The following MEX3C variants were observed in gnomAD, a reference collection of about 807,000 sequenced individuals.
MEX3C encodes the protein RNA-binding E3 ubiquitin-protein ligase MEX3C.
MEX3C carries 15 observed loss-of-function variants against 35.5 expected under a neutral mutation model. The observed-to-expected ratio is 0.42, with a 90% CI of 0.28 to 0.65. The LOEUF (loss-of-function observed/expected upper bound fraction) is 0.65. Ranked by LOEUF, MEX3C falls within the 30% of genes least tolerant of loss-of-function variation. MEX3C has a pLI of 0.20. For missense variants in MEX3C, 711 were observed against 842.8 expected, an observed-to-expected ratio of 0.84 and a Z score of 1.94; for synonymous variants, 390 against 352.8, an observed-to-expected ratio of 1.11 and a Z score of -1.18.
rs765229055 is a variant in MEX3C, at chr18:51,176,740, T to C, written c.1591A>G (p.Lys531Glu). Reference protein sequence around the residue: ...GFGSDPSGNMKTQRRGSQPST... With the variant: ...GFGSDPSGNMETQRRGSQPST... ...GGCTGACTTCCTCTGCGCTGAGTCT[T>C]CATGTTACCAGAAGGATCACTCCCA... The change falls in exon 2 of 2, where the codon AAG becomes GAG. Residue 531 changes from lysine to glutamate, a missense_variant. Physicochemically the swap from Lys to Glu is moderately conservative, Grantham distance 56. Coordinates refer to ENST00000406189, the MANE Select transcript of MEX3C (RefSeq NM_016626.5). 2.5e-6 allele frequency: 4 copies of C among 1,613,844 alleles called. No homozygotes were observed. The African/African-American group carries it at 4.0e-5, about 16-fold the overall frequency.
At chr18:51,190,757 A>G (rs1166124597) in intron 1 of MEX3C, among the ~76,000 whole-genome samples, 1 of 152,172 alleles carries the variant, frequency 6.6e-6, no homozygotes, top group Non-Finnish European at 1.5e-5. Flanking sequence ...GCATACATTC[A>G]ATTTAGTATA....
chr18:51,178,004 C>T (rs1360180257), intron 1 of MEX3C, among the ~76,000 whole-genome samples: 2 of 151,984 alleles, frequency 1.3e-5, no homozygotes, highest in Non-Finnish European at 2.9e-5. Context: ...TGTACTCACG[C>T]TAGTAACTAA....
intron 1 of MEX3C, chr18:51,194,166 T>G (rs531697406): frequency 7.9e-5 from 12 of 152,316 alleles, no homozygotes; most frequent in African/African-American, 2.6e-4. Flanking sequence ...TCCATACGAG[T>G]GAGCAAACAC....
At chr18:51,178,151 T>C (rs73438517) in intron 1 of MEX3C, among the ~76,000 whole-genome samples, 1,720 of 152,256 alleles carry the variant, frequency 0.011, 30 homozygotes, top group African/African-American at 0.039. Flanking sequence ...TAATATAGAA[T>C]GATTTTGTAA....
intron 1 of MEX3C, among the ~76,000 whole-genome samples, chr18:51,188,072 A>C (rs990063622): frequency 3.9e-5 from 6 of 152,196 alleles, no homozygotes; most frequent in African/African-American, 1.4e-4. Context: ...GCATAATATA[A>C]AACTAATAGC....
chr18:51,191,374 A>G (rs1211295434), intron 1 of MEX3C, among the ~76,000 whole-genome samples: 1 of 152,180 alleles, frequency 6.6e-6, no homozygotes, highest in East Asian at 1.9e-4. Flanking sequence ...AAGATCAGTA[A>G]CACTGGAGAT....
Position 51,176,542 on chromosome 18 carries a change from T to C in MEX3C, c.1789A>G (p.Ser597Gly). 6.2e-7 allele frequency: 1 copy of C among 1,613,956 alleles called. No homozygotes were observed. Among genetic ancestry groups the C allele is most frequent in the Non-Finnish European group, 8.5e-7 (1 of 1,179,894 alleles). ...TTTCGTCTTGATTCTGGAGGTGAGC[T>C]AGAGGTGGAACCACCATTGGAAGAG... ...YSSSNGGSTSSSPPESRRKHD... is the reference protein window; with the variant it reads ...YSSSNGGSTSGSPPESRRKHD... The change falls in exon 2 of 2, where the codon AGC (serine) becomes GGC (glycine). Residue 597 changes from serine (S) to glycine (G), a missense_variant. Physicochemically the swap from Ser to Gly is moderately conservative, Grantham distance 56. Around this residue, in one of 4 missense-constraint regions of MEX3C, gnomAD observed 87 missense variants for 150.4 expected, o/e 0.58. Coordinates refer to ENST00000406189, the MANE Select transcript of MEX3C (RefSeq NM_016626.5).
At chr18:51,187,961 G>T (rs1279176304) in intron 1 of MEX3C, among the ~76,000 whole-genome samples, 1 of 152,054 alleles carries the variant, frequency 6.6e-6, no homozygotes, top group African/African-American at 2.4e-5. Flanking sequence ...TATCTTCAAA[G>T]ACTAATGAGT....
intron 1 of MEX3C, chr18:51,195,847 AT>A (rs754413457): frequency 1.3e-5 from 2 of 152,280 alleles, no homozygotes; most frequent in Admixed American, 6.5e-5. Context: ...TGAAAACTGT[AT>A]AAACCGATGA....
At position 51,196,970 on chromosome 18, in the gene MEX3C, TTCCTCCCCC is replaced by T. The variant is rs1912818072; in HGVS notation, c.342_350del (p.Gly115_Glu117del). 6.5e-7 allele frequency: 1 copy of T among 1,541,016 alleles called. No homozygotes were observed. The highest frequency in any genetic ancestry group is 1.4e-5 in the African/African-American group (1 of 71,774). On this transcript the variant is annotated inframe_deletion, in exon 1 of 2. Transcript: ENST00000406189. ...CCAGCAGGTCTCCGTCCAGCTCCGC[TTCCTCCCCC>T]TCCTCCTCGTCCTCTTCCAGCTCCA... is the stretch of plus-strand genomic sequence containing the variant.
Position 51,176,438 on chromosome 18 carries a change from T to C in MEX3C, c.1893A>G (p.Glu631=), listed in dbSNP as rs1324570271. 1 of 1,613,902 alleles carries C rather than the reference T, an allele frequency of 6.2e-7. No homozygotes were observed. Among genetic ancestry groups the C allele is most frequent in the Non-Finnish European group, 8.5e-7 (1 of 1,179,892 alleles). ...TCTTTTCACAGATCTTGTTGGCACATTCCATGCAGAAGAGGTTGTGGCCAC... is the reference window on the plus strand; with the variant it reads ...TCTTTTCACAGATCTTGTTGGCACACTCCATGCAGAAGAGGTTGTGGCCAC... ...VPCGHNLFCM[E]CANKICEKRT... is the part of the protein sequence containing the mutation. The change falls in exon 2 of 2, where the codon GAA becomes GAG. Residue 631 remains glutamate (E), a synonymous_variant. Coordinates refer to ENST00000406189, the MANE Select transcript of MEX3C (RefSeq NM_016626.5).
At position 51,182,597 on chromosome 18, in the gene MEX3C, C is replaced by A. The variant is rs1039733634; in HGVS notation, c.755-5021G>T. ...TCACTGTTGCTGGGGCTATGTTTCA[C>A]CTTAAAACCCTTTAGCTGCAGCTAG... On this transcript the variant is annotated intron_variant, in intron 1 of 1. Coordinates refer to ENST00000406189, the MANE Select transcript of MEX3C (RefSeq NM_016626.5). Among the ~76,000 whole-genome samples the A allele has an allele frequency of 4.5e-4, 68 of 152,140 alleles. 1 individual carries two copies. Among genetic ancestry groups the A allele is most frequent in the African/African-American group, 1.6e-3 (66 of 41,426 alleles).
Position 51,176,694 on chromosome 18 carries a change from G to C in MEX3C, c.1637C>G (p.Pro546Arg). Residue 546 changes from proline (P) to arginine (R), a missense_variant, in exon 2 of 2, where the codon CCT becomes CGT. By Grantham distance (103) the Pro-to-Arg change is moderately radical (BLOSUM62 -2). Transcript: ENST00000406189. ...ATGTTCTATGCTCTCAGGAAATGTA[G>C]GAGACAGACGAGGAGTAGATGGCTG... Reference protein sequence around the residue: ...GSQPSTPRLSPTFPESIEHPL... With the variant: ...GSQPSTPRLSRTFPESIEHPL... 1 of 1,614,020 alleles carries C rather than the reference G, an allele frequency of 6.2e-7. No individual in the cohort carries two copies. The highest frequency in any genetic ancestry group is 8.5e-7 in the Non-Finnish European group (1 of 1,179,894).
At chr18:51,195,833 T>C (rs1434761399) in intron 1 of MEX3C, 1 of 152,230 alleles carries the variant, frequency 6.6e-6, no homozygotes, top group Non-Finnish European at 1.5e-5. Context: ...AGAGGAGAAT[T>C]AACTGAAAAC....
At chr18:51,191,026 CTTTT>C (rs1303670026) in intron 1 of MEX3C, among the ~76,000 whole-genome samples, 2 of 152,056 alleles carry the variant, frequency 1.3e-5, no homozygotes, top group Admixed American at 6.6e-5. Context: ...TCTTAAAAAG[CTTTT>C]TTTATTTTTA....
Position 51,177,520 on chromosome 18 carries a change from G to A in MEX3C, c.811C>T (p.Arg271Cys), listed in dbSNP as rs975750691. 1 of 1,613,742 alleles carries A rather than the reference G, an allele frequency of 6.2e-7. No individual in the cohort carries two copies. The highest frequency in any genetic ancestry group is 8.5e-7 in the Non-Finnish European group (1 of 1,179,854). ...KTNTYIKTPV[R>C]GEEPIFVVTG... is the part of the protein sequence containing the mutation. Reference sequence around the variant, plus strand: ...ACAACAAAAATGGGCTCTTCACCACGAACAGGAGTCTTGATATACGTGTTT... The same window carrying A: ...ACAACAAAAATGGGCTCTTCACCACAAACAGGAGTCTTGATATACGTGTTT... The change falls in exon 2 of 2, where the codon CGT becomes TGT. Residue 271 changes from arginine (R) to cysteine (C), a missense_variant. By Grantham distance (180) the Arg-to-Cys change is radical. This residue lies in a region of MEX3C where 83 missense variants were observed against 179.1 expected (regional missense o/e 0.46). Transcript: ENST00000406189. This position sits in a 1 kb window ranked among gnomAD's most constrained non-coding sequence, Gnocchi z 4.2.
rs1238279798 is a variant in MEX3C, at chr18:51,176,982, A to G, written c.1349T>C (p.Leu450Pro). 4 of 1,614,006 alleles carry G rather than the reference A, an allele frequency of 2.5e-6. No homozygotes were observed. The highest frequency in any genetic ancestry group is 3.4e-6 in the Non-Finnish European group (4 of 1,179,894). ...GTAGGAATCTGTAGAGCCACTTCCT[A>G]GAGAACTGGAACTATCATTTCGATA... ...SNYRNDSSSS[L>P]GSGSTDSYFG... The change falls in exon 2 of 2, where the codon CTA becomes CCA. Residue 450 changes from leucine (L) to proline (P), a missense_variant. By Grantham distance (98) the Leu-to-Pro change is moderately conservative. Transcript: ENST00000406189.
chr18:51,195,942 C>T (rs1912774922), intron 1 of MEX3C: 1 of 153,256 alleles, frequency 6.5e-6, no homozygotes, highest in Non-Finnish European at 1.5e-5. Context: ...GTCAGTGTGT[C>T]TTTCCGAGAG....
intron 1 of MEX3C, among the ~76,000 whole-genome samples, chr18:51,183,871 T>C (rs1251281008): frequency 6.6e-6 from 1 of 152,116 alleles, no homozygotes; most frequent in Non-Finnish European, 1.5e-5. Context: ...TGGTGGTGTG[T>C]CCCTGGAGTC....
Sources: gnomAD v4.1 joint callset for allele counts (sites outside exome capture counted in the v4.1 genomes callset) on GRCh38, gnomAD v4.1.1 for gene constraint, gnomAD v4.1.1 regional missense constraint, Gnocchi (gnomAD v3.1) non-coding constraint, MANE v1.5 for transcripts, NCBI Gene and HGNC (gene_info 2026-07-23, HGNC 2026-07-21) for gene names.